CLDN14: variants seen among roughly 807,000 people sequenced by gnomAD.
CLDN14 encodes the protein claudin-14.
CLDN14 carries 2 observed loss-of-function variants against 2.1 expected under a neutral mutation model. The observed-to-expected ratio is 0.96, with a 90% CI of 0.39 to 3.01. The LOEUF is 3.01. CLDN14 is among the 30% of genes most tolerant of loss of function. CLDN14 has a pLI of 0.09. For missense variants in CLDN14, 298 were observed against 328.0 expected (o/e 0.91, Z 0.71); for synonymous variants, 136 against 154.4 (o/e 0.88, Z 0.88).
intron 1 of CLDN14, among the ~76,000 whole-genome samples, chr21:36,530,165 G>T (rs1395993087): frequency 6.6e-6 from 1 of 152,214 alleles, no homozygotes; most frequent in East Asian, 1.9e-4. Context: ...GATAGAGTTG[G>T]TTTATTTTTA....
In CLDN14 at chr21:36,479,512, T is replaced by C. The variant is rs1207476202; in HGVS notation, c.-99A>G. ...AAACTCACATGCAGAAAACCTCGAG[T>C]CTCATCTTCCTGTTCAGGTCCCTTG... On this transcript the variant is annotated 5_prime_UTR_variant, in exon 1 of 2. Transcript: ENST00000399135. 8.2e-6 allele frequency: 1 copy of C among 122,056 alleles called. No individual in the cohort carries two copies. Among genetic ancestry groups the C allele is most frequent in the Non-Finnish European group, 1.6e-5 (1 of 62,622 alleles). The allele number at this position is 122,056 out of a possible 1,614,324, so 7.6% of individuals were successfully genotyped here.
chr21:36,539,816 G>A (rs1201727313), intron 1 of CLDN14, among the ~76,000 whole-genome samples: 1 of 151,080 alleles, frequency 6.6e-6, no homozygotes, highest in Non-Finnish European at 1.5e-5. Flanking sequence ...ATGAGTGTGT[G>A]CGGAGTATGT....
chr21:36,505,183 A>G (rs1485504408), intron 2 of CLDN14, among the ~76,000 whole-genome samples: 1 of 152,010 alleles, frequency 6.6e-6, no homozygotes, highest in East Asian at 1.9e-4. Context: ...ACAAATTTAA[A>G]CAGGTTTACG....
intron 1 of CLDN14, among the ~76,000 whole-genome samples, chr21:36,561,468 C>T (rs79308542): frequency 0.061 from 9,265 of 152,172 alleles, 297 homozygotes; most frequent in Middle Eastern, 0.095. Context: ...CCATCAGACA[C>T]AGGTCACTTG....
intron 1 of CLDN14, among the ~76,000 whole-genome samples, chr21:36,538,850 T>TCAGGAATGGG: frequency 6.6e-6 from 1 of 152,132 alleles, no homozygotes; most frequent in South Asian, 2.1e-4. Context: ...TCACCCCAAC[T>TCAGGAATGGG]CAGGAATGGG....
intron 1 of CLDN14, among the ~76,000 whole-genome samples, chr21:36,472,823 A>G (rs1282913544): frequency 1.3e-5 from 2 of 152,144 alleles, no homozygotes; most frequent in Non-Finnish European, 2.9e-5. Flanking sequence ...TTAGAGCACG[A>G]ATCTCATTGT....
chr21:36,462,537 T>C (rs219776), intron 1 of CLDN14, among the ~76,000 whole-genome samples: 46,159 of 152,052 alleles, frequency 0.3, 8,356 homozygotes, highest in African/African-American at 0.5. Flanking sequence ...ATGGGAATGC[T>C]GAGCCCTTTC....
chr21:36,471,993 C>T (rs770726966), intron 1 of CLDN14, among the ~76,000 whole-genome samples: 3 of 152,204 alleles, frequency 2.0e-5, no homozygotes, highest in Non-Finnish European at 4.4e-5. Context: ...TAAAAACAGT[C>T]ATAGTTAAAG....
intron 2 of CLDN14, among the ~76,000 whole-genome samples, chr21:36,495,024 C>A (rs9974115): frequency 0.75 from 113,849 of 152,074 alleles, 43,479 homozygotes; most frequent in Non-Finnish European, 0.84. Flanking sequence ...ACAAATCCCC[C>A]CACACAGAAA....
chr21:36,548,167 C>A (rs2087538084), intron 1 of CLDN14, among the ~76,000 whole-genome samples: 1 of 152,110 alleles, frequency 6.6e-6, no homozygotes, highest in African/African-American at 2.4e-5. Flanking sequence ...GTTACCTCCT[C>A]CAGGAAGCCC....
chr21:36,476,374 C>T (rs1437291229), intron 1 of CLDN14, among the ~76,000 whole-genome samples: 1 of 152,204 alleles, frequency 6.6e-6, no homozygotes, highest in Non-Finnish European at 1.5e-5. Context: ...GACCCCAGCC[C>T]ACTGTGGGCA....
intron 2 of CLDN14, among the ~76,000 whole-genome samples, chr21:36,491,204 G>A (rs2086961021): frequency 6.6e-6 from 1 of 152,172 alleles, no homozygotes; most frequent in African/African-American, 2.4e-5. Context: ...CAGCTCTGGT[G>A]CAGGAACTAG....
At chr21:36,539,991 T>C (rs2087473604) in intron 1 of CLDN14, among the ~76,000 whole-genome samples, 1 of 150,982 alleles carries the variant, frequency 6.6e-6, no homozygotes, top group Non-Finnish European at 1.5e-5. Flanking sequence ...ATGTGGTATA[T>C]GTGTGTAGTA....
intron 1 of CLDN14, among the ~76,000 whole-genome samples, chr21:36,527,451 G>T (rs1568870214): frequency 1.3e-5 from 2 of 152,202 alleles, no homozygotes; most frequent in African/African-American, 4.8e-5. Context: ...CCCTGGAGAA[G>T]CAAAACAGCT....
At chr21:36,539,097 C>T (rs1412633713) in intron 1 of CLDN14, among the ~76,000 whole-genome samples, 2 of 152,198 alleles carry the variant, frequency 1.3e-5, no homozygotes, top group Admixed American at 6.5e-5. Flanking sequence ...TTGTAACCCC[C>T]GCCAATTTAA....
At chr21:36,463,060 G>T (rs2086600156) in intron 1 of CLDN14, among the ~76,000 whole-genome samples, 2 of 152,144 alleles carry the variant, frequency 1.3e-5, no homozygotes, top group South Asian at 4.1e-4. Flanking sequence ...AAAAGGAAGG[G>T]ATGAAGGCAG....
chr21:36,501,331 A>ATTTTT (rs1471992472), intron 2 of CLDN14, among the ~76,000 whole-genome samples: 4 of 35,108 alleles, frequency 1.1e-4, no homozygotes, highest in Non-Finnish European at 2.5e-4. Context: ...TCAATATCTC[A>ATTTTT]CTTTTTTTTT....
intron 1 of CLDN14, among the ~76,000 whole-genome samples, chr21:36,564,393 T>A (rs1400206188): frequency 6.6e-6 from 1 of 152,216 alleles, no homozygotes; most frequent in African/African-American, 2.4e-5. Context: ...GGGATGGAGT[T>A]GCCTTCCATT....
At chr21:36,567,336 C>T (rs2087680524) in intron 1 of CLDN14, among the ~76,000 whole-genome samples, 1 of 152,242 alleles carries the variant, frequency 6.6e-6, no homozygotes, top group Admixed American at 6.5e-5. Flanking sequence ...CTCCAAGGCA[C>T]ATCGCTTCAA....
Sources: allele counts gnomAD v4.1 joint callset (sites outside exome capture counted in the v4.1 genomes callset), GRCh38; gene constraint gnomAD v4.1.1; transcripts MANE v1.5; gene names NCBI Gene and HGNC (gene_info 2026-07-23, HGNC 2026-07-21).